Variants in CNGB3 observed in about 807,000 individuals in gnomAD.
The protein encoded by CNGB3 is cyclic nucleotide-gated channel beta-3.
Under a neutral mutation model 92.8 loss-of-function variants are expected in CNGB3, and 86 were observed. The observed-to-expected ratio is 0.93, with a 90% CI of 0.78 to 1.11. The LOEUF (loss-of-function observed/expected upper bound fraction) is 1.11, where lower values mean the gene tolerates loss of function less well. Among genes scored for constraint, CNGB3 ranks in the 50% least tolerant of loss-of-function variants. The pLI is 0.00. For synonymous variants in CNGB3, 333 were observed against 332.7 expected, an observed-to-expected ratio of 1.00 and a Z score of -0.01; for missense variants, 1,026 against 956.8, an observed-to-expected ratio of 1.07 and a Z score of -0.95.
intron 10 of CNGB3, among the ~76,000 whole-genome samples, chr8:86,635,861 T>TATATATATATATATACAC (rs796498363): frequency 1.5e-5 from 1 of 66,270 alleles, no homozygotes; most frequent in Non-Finnish European, 2.6e-5. Context: ...TATATATATA[T>TATATATATATATATACAC]ATACACATAC....
intron 15 of CNGB3, chr8:86,594,319 T>C: frequency 6.3e-6 from 2 of 319,716 alleles, no homozygotes; most frequent in South Asian, 2.8e-5. Context: ...AGTCTACACC[T>C]GAGTCTGATT....
chr8:86,679,972 C>G (rs1392082763), intron 3 of CNGB3, among the ~76,000 whole-genome samples: 1 of 152,166 alleles, frequency 6.6e-6, no homozygotes, highest in East Asian at 1.9e-4. Flanking sequence ...TTCACCAGAA[C>G]CGAGTCTGAC....
At chr8:86,703,528 G>A (rs892274155) in intron 3 of CNGB3, among the ~76,000 whole-genome samples, 9 of 152,224 alleles carry the variant, frequency 5.9e-5, no homozygotes, top group African/African-American at 1.9e-4. Flanking sequence ...GATGTCTAGT[G>A]GACCGGCACT....
intron 3 of CNGB3, among the ~76,000 whole-genome samples, chr8:86,687,956 A>C (rs1015373502): frequency 2.0e-5 from 3 of 152,070 alleles, no homozygotes; most frequent in Non-Finnish European, 2.9e-5. Flanking sequence ...ATCGAAATGA[A>C]AAACACAATT....
At chr8:86,595,319 T>C (rs935434499) in intron 15 of CNGB3, among the ~76,000 whole-genome samples, 1 of 152,218 alleles carries the variant, frequency 6.6e-6, no homozygotes, top group African/African-American at 2.4e-5. Context: ...GAATCTTTAC[T>C]TCCTCTCTGC....
intron 15 of CNGB3, among the ~76,000 whole-genome samples, chr8:86,589,760 T>C (rs1415719333): frequency 6.6e-6 from 1 of 151,940 alleles, no homozygotes; most frequent in Non-Finnish European, 1.5e-5. Context: ...TACTTCCAAG[T>C]ATGTGGTCAA....
intron 3 of CNGB3, among the ~76,000 whole-genome samples, chr8:86,693,246 C>T (rs1824353393): frequency 1.3e-5 from 2 of 152,008 alleles, no homozygotes; most frequent in Non-Finnish European, 2.9e-5. Flanking sequence ...GGGTGTTCTT[C>T]TAGCTTCTTA....
intron 6 of CNGB3, chr8:86,657,602 T>G (rs973593984): frequency 7.3e-6 from 3 of 411,278 alleles, no homozygotes; most frequent in Non-Finnish European, 1.5e-5. Context: ...ATCACCCTGT[T>G]TGTTGGCAGC....
chr8:86,686,921 T>A (rs996359152), intron 3 of CNGB3, among the ~76,000 whole-genome samples: 1 of 152,088 alleles, frequency 6.6e-6, no homozygotes, highest in Non-Finnish European at 1.5e-5. Context: ...ATGTCTCTTT[T>A]AAAGAAAAAC....
At chr8:86,626,214 G>A in intron 12 of CNGB3, 134 bp from the exon 13 acceptor site, 3 of 701,292 alleles carry the variant, frequency 4.3e-6, no homozygotes. Context: ...AGATGCATCA[G>A]ATTCTATATT....
intron 3 of CNGB3, among the ~76,000 whole-genome samples, chr8:86,677,151 C>T (rs188110714): frequency 1.6e-4 from 25 of 152,318 alleles, no homozygotes; most frequent in Admixed American, 6.5e-4. Context: ...TCTCCCTCAG[C>T]TCTTTCAAAA....
intron 15 of CNGB3, among the ~76,000 whole-genome samples, chr8:86,603,308 A>C (rs1441074973): frequency 3.3e-5 from 5 of 152,350 alleles, no homozygotes; most frequent in African/African-American, 1.2e-4. Context: ...TAGAGTTAAG[A>C]GCAATACCTG....
At chr8:86,686,301 G>A (rs1824186986) in intron 3 of CNGB3, among the ~76,000 whole-genome samples, 1 of 151,920 alleles carries the variant, frequency 6.6e-6, no homozygotes, top group African/African-American at 2.4e-5. Flanking sequence ...AATCATATGG[G>A]CATGGTTAAT....
intron 11 of CNGB3, among the ~76,000 whole-genome samples, chr8:86,629,901 T>G (rs1306540310): frequency 2.0e-5 from 3 of 152,172 alleles, no homozygotes; most frequent in African/African-American, 7.2e-5. Flanking sequence ...GCTGTAAATA[T>G]GCTTTGACTG....
Position 86,726,274 on chromosome 8 carries a change from G to A in CNGB3, c.338+257C>T, listed in dbSNP as rs186803356. 1.6e-4 allele frequency among the ~76,000 whole-genome samples: 24 copies of A among 152,252 alleles called. No homozygotes were observed. The East Asian group carries it at 3.9e-3, about 24-fold the overall frequency. On this transcript the variant is annotated intron_variant, in intron 3 of 17. Coordinates refer to ENST00000320005, the MANE Select transcript of CNGB3 (RefSeq NM_019098.5). ...GATACAATGACTCATACATGTAACA[G>A]CAATATTTTTGTTGTGATTTGGCCT... is the stretch of plus-strand genomic sequence containing the variant.
chr8:86,680,317 C>T (rs1014187725), intron 3 of CNGB3, among the ~76,000 whole-genome samples: 2 of 152,122 alleles, frequency 1.3e-5, no homozygotes, highest in Admixed American at 6.6e-5. Flanking sequence ...CATATGTTAG[C>T]TCATTTAATG....
At chr8:86,719,815 C>A (rs929163502) in intron 3 of CNGB3, among the ~76,000 whole-genome samples, 2 of 152,142 alleles carry the variant, frequency 1.3e-5, no homozygotes, top group African/African-American at 4.8e-5. Flanking sequence ...ACCAACTGAA[C>A]TGAATAGAGA....
intron 14 of CNGB3, among the ~76,000 whole-genome samples, chr8:86,610,531 C>G (rs1259364044): frequency 6.6e-6 from 1 of 151,656 alleles, no homozygotes; most frequent in Non-Finnish European, 1.5e-5. Context: ...CTTACCGTAA[C>G]CAGGAAGGAC....
chr8:86,691,186 G>T (rs1777629870), intron 3 of CNGB3, among the ~76,000 whole-genome samples: 1 of 152,098 alleles, frequency 6.6e-6, no homozygotes, highest in African/African-American at 2.4e-5. Flanking sequence ...GTTGGTGTTG[G>T]TGTATAGCAG....
Sources: gnomAD v4.1 joint callset for allele counts (sites outside exome capture counted in the v4.1 genomes callset) on GRCh38, gnomAD v4.1.1 for gene constraint, MANE v1.5 for transcripts, NCBI Gene and HGNC (gene_info 2026-07-23, HGNC 2026-07-21) for gene names.